Variants in NCOR2 observed in about 807,000 individuals in gnomAD.
The protein encoded by NCOR2 is CTG repeat protein 26.
In NCOR2, 81 loss-of-function variants were observed where a neutral mutation model predicts 262.9. The observed-to-expected ratio is 0.31, with a 90% confidence interval of 0.26 to 0.37. The LOEUF is 0.37. Among genes scored for constraint, NCOR2 ranks in the 10% least tolerant of loss-of-function variants. The probability of loss-of-function intolerance (pLI) is 1.00; values close to 1 mark genes in which losing one functional copy is unlikely to be tolerated. For missense variants in NCOR2, 3,385 were observed against 3,621.4 expected, an observed-to-expected ratio of 0.93 and a Z score of 1.68; for synonymous variants, 1,659 against 1,559.3, an observed-to-expected ratio of 1.06 and a Z score of -1.51.
chr12:124,332,147 C>G (rs781653742), intron 43 of NCOR2, 172 bp downstream of exon 45: 2 of 750,794 alleles, frequency 2.7e-6, no homozygotes, highest in Admixed American at 5.7e-5. Context: ...AAGAAACTGC[C>G]CTGGGGCTCC....
chr12:124,531,393 C>T lies in NCOR2; in HGVS notation c.-118+4172G>A, dbSNP rs775313280. ...CCCCCGGGCCCGATTAGCGGGCGGC[C>T]GCAGGCAGACACGCTCAACTGTCAG... On this transcript the variant is annotated intron_variant, in intron 1 of 46. Coordinates refer to the NCOR2 transcript ENST00000404621. The surrounding 1 kb of genome is among the most constrained non-coding windows in gnomAD (Gnocchi z 4.5). 5.9e-5 allele frequency among the ~76,000 whole-genome samples: 9 copies of T among 152,114 alleles called. No individual in the cohort carries two copies. The highest frequency in any genetic ancestry group is 1.2e-4 in the Non-Finnish European group (8 of 68,020).
At chr12:124,387,323 A>G (rs1043729469) in intron 16 of NCOR2, among the ~76,000 whole-genome samples, 1 of 151,020 alleles carries the variant, frequency 6.6e-6, no homozygotes, top group Non-Finnish European at 1.5e-5. Flanking sequence ...AAACATCAAC[A>G]CATCAGCCCG....
chr12:124,553,902 A>T (rs1013994030), intron 1 of NCOR2, among the ~76,000 whole-genome samples: 3 of 151,662 alleles, frequency 2.0e-5, no homozygotes, highest in Non-Finnish European at 4.4e-5. Flanking sequence ...ATGCGCCCCC[A>T]CTCCGCAGCT....
intron 3 of NCOR2, among the ~76,000 whole-genome samples, chr12:124,480,144 C>T (rs1463861829): frequency 6.6e-6 from 1 of 152,226 alleles, no homozygotes; most frequent in Non-Finnish European, 1.5e-5. Flanking sequence ...AAAGGGGACC[C>T]TGTAGGCCTG....
At chr12:124,495,335 G>A (rs995065194), upstream of NCOR2, 54 of 1,486,664 alleles carry the variant, frequency 3.6e-5, no homozygotes, top group Middle Eastern at 2.3e-4. The surrounding 1 kb of genome is among the most constrained non-coding windows in gnomAD (Gnocchi z 4.4). Flanking sequence ...GCCAGTCCTC[G>A]TCATCAGCTC....
chr12:124,384,436 C>T (rs1593307045), intron 17 of NCOR2, among the ~76,000 whole-genome samples: 1 of 152,212 alleles, frequency 6.6e-6, no homozygotes, highest in South Asian at 2.1e-4. Context: ...ACGCGGGGCA[C>T]TGCTTAACTG....
chr12:124,430,643 G>A lies in NCOR2; in HGVS notation c.1027C>T (p.Gln343Ter). ...TGCATGCGCTCCTGCAGCTCGCGCT[G>A]CTTGCGGATCTCAGGGAACTGCTTC... is the stretch of plus-strand genomic sequence containing the variant. The change falls in exon 9 of 47, where the codon CAG becomes TAG. Residue 343 changes from glutamine to a stop codon, truncating the protein, a stop_gained. Coordinates refer to ENST00000405201, the Ensembl canonical transcript of NCOR2. LOFTEE classifies it high-confidence loss of function. The A allele has an allele frequency of 6.2e-7, 1 of 1,613,836 alleles. No homozygotes were observed. The highest frequency in any genetic ancestry group is 8.5e-7 in the Non-Finnish European group (1 of 1,179,820).
chr12:124,435,511 G>A (rs902678379), intron 8 of NCOR2, among the ~76,000 whole-genome samples: 2 of 152,358 alleles, frequency 1.3e-5, no homozygotes, highest in Admixed American at 1.3e-4. Flanking sequence ...CTGGCTGGAA[G>A]TGTCTCCTCC....
rs372275332 is a variant in NCOR2, at chr12:124,449,795, G to T, written c.815+20C>A. On this transcript the variant is annotated intron_variant, in intron 7 of 46. Coordinates refer to ENST00000405201, the Ensembl canonical transcript of NCOR2. ...CCACCCTGCCTCTGTGTGTCTGCAC[G>T]GCTGCCCGCGAGCACTCACATTTTG... 1 of 1,613,738 alleles carries T rather than the reference G, an allele frequency of 6.2e-7. No individual in the cohort carries two copies. The highest frequency in any genetic ancestry group is 8.5e-7 in the Non-Finnish European group (1 of 1,179,836).
At chr12:124,538,947 AG>A (rs1326029494), upstream of NCOR2, 2 of 152,368 alleles carry the variant, frequency 1.3e-5, no homozygotes, top group Non-Finnish European at 2.9e-5. Flanking sequence ...GAGTCACCCA[AG>A]GCCACGTGGC....
At chr12:124,369,917 C>T (rs2039350691) in intron 20 of NCOR2, among the ~76,000 whole-genome samples, 1 of 152,122 alleles carries the variant, frequency 6.6e-6, no homozygotes, top group African/African-American at 2.4e-5. Context: ...GGACAGGATG[C>T]AAGCTGATCC....
At chr12:124,540,459 AG>A (rs2137210561), upstream of NCOR2, among the ~76,000 whole-genome samples, 1 of 26,228 alleles carries the variant, frequency 3.8e-5, no homozygotes. Context: ...AGGGGGATGG[AG>A]GTGGAGAGCT....
chr12:124,552,216 G>A lies in NCOR2; in HGVS notation c.-165+15092C>T, dbSNP rs139436044. Among the ~76,000 whole-genome samples the A allele has an allele frequency of 3.4e-4, 51 of 152,108 alleles. 1 individual carries two copies. The East Asian group carries it at 9.1e-3, about 27-fold the overall frequency. The stretch of plus-strand genomic sequence containing the variant: ...TGTGCCTGTAGTCCCAGCTACTCAG[G>A]AGGCTGAGATGGGAGGATTGCTTGA... On this transcript the variant is annotated intron_variant, in intron 1 of 32. Coordinates refer to the NCOR2 transcript ENST00000458234.
intron 8 of NCOR2, among the ~76,000 whole-genome samples, chr12:124,435,757 C>T (rs1238348835): frequency 6.6e-6 from 1 of 152,330 alleles, no homozygotes; most frequent in Non-Finnish European, 1.5e-5. Flanking sequence ...CCATACCCCA[C>T]ACACCCTCCT....
Position 124,503,688 on chromosome 12 carries a change from ATGGATG to A in NCOR2, c.-117-8326_-117-8321del, listed in dbSNP as rs2048890472. ...GACGGGTGAATGGATGGATGGATGGATGGATGGATGGATGGATGGATGGACAGACGA... is the reference window on the plus strand; with the variant it reads ...GACGGGTGAATGGATGGATGGATGGAGATGGATGGATGGATGGACAGACGA... On this transcript the variant is annotated intron_variant, in intron 1 of 46. Transcript: ENST00000404621. The surrounding 1 kb of genome is among the most constrained non-coding windows in gnomAD (Gnocchi z 4.3). Among the ~76,000 whole-genome samples the A allele has an allele frequency of 2.0e-5, 3 of 148,816 alleles. No homozygotes were observed. The highest frequency in any genetic ancestry group is 7.5e-5 in the African/African-American group (3 of 39,916).
chr12:124,426,005 T>C (rs931997799), intron 11 of NCOR2, among the ~76,000 whole-genome samples: 20 of 152,056 alleles, frequency 1.3e-4, no homozygotes, highest in Non-Finnish European at 2.9e-4. Flanking sequence ...CAAAACAAAA[T>C]AGAAACCACC....
At chr12:124,507,947 ATGGCT>A (rs2049141417) in intron 1 of NCOR2, among the ~76,000 whole-genome samples, 2 of 152,206 alleles carry the variant, frequency 1.3e-5, no homozygotes, top group Admixed American at 1.3e-4. Context: ...GCCCTCAAGG[ATGGCT>A]TTCTGAGGAA....
intron 15 of NCOR2, 95 bp from the exon 18 acceptor site, chr12:124,398,276 C>G: frequency 7.3e-7 from 1 of 1,377,678 alleles, no homozygotes; most frequent in South Asian, 1.2e-5. Flanking sequence ...AGGGAGTAGA[C>G]CAGGCCTTGA....
At chr12:124,565,038 AAAG>A (rs966930054) in intron 1 of NCOR2, among the ~76,000 whole-genome samples, 4 of 152,060 alleles carry the variant, frequency 2.6e-5, no homozygotes, top group African/African-American at 9.7e-5. Context: ...AATTGGGGAA[AAAG>A]AACAGATTAT....
Sources: allele counts gnomAD v4.1 joint callset (sites outside exome capture counted in the v4.1 genomes callset), GRCh38; gene constraint gnomAD v4.1.1; non-coding constraint Gnocchi (gnomAD v3.1); transcripts MANE v1.5; gene names NCBI Gene and HGNC (gene_info 2026-07-23, HGNC 2026-07-21).